The following SLC39A11 variants were observed in gnomAD, a reference collection of about 807,000 sequenced individuals.
SLC39A11 encodes the protein zinc transporter ZIP11.
In SLC39A11, 33 loss-of-function variants were observed where a neutral mutation model predicts 36.1. The observed-to-expected ratio is 0.91, with a 90% CI of 0.69 to 1.22. The LOEUF (loss-of-function observed/expected upper bound fraction) is 1.22. Ranked by LOEUF, SLC39A11 falls within the 50% of genes most tolerant of loss-of-function variation. SLC39A11 has a pLI of 0.00. For synonymous variants in SLC39A11, 166 were observed against 170.3 expected, an observed-to-expected ratio of 0.97 and a Z score of 0.20; for missense variants, 432 against 430.3, an observed-to-expected ratio of 1.00 and a Z score of -0.03.
intron 4 of SLC39A11, among the ~76,000 whole-genome samples, chr17:72,958,482 C>A (rs2086386431): frequency 6.6e-6 from 1 of 152,176 alleles, no homozygotes; most frequent in Admixed American, 6.5e-5. Flanking sequence ...CCAGGATCTA[C>A]AATAAACTCA....
chr17:72,950,344 G>A (rs2085773963), intron 4 of SLC39A11, among the ~76,000 whole-genome samples: 1 of 152,160 alleles, frequency 6.6e-6, no homozygotes, highest in Non-Finnish European at 1.5e-5. Flanking sequence ...CTGCCCTGCA[G>A]TATCACGGTT....
At chr17:72,835,788 A>G (rs886599450) in intron 6 of SLC39A11, among the ~76,000 whole-genome samples, 2 of 152,222 alleles carry the variant, frequency 1.3e-5, no homozygotes, top group Non-Finnish European at 2.9e-5. Context: ...TGTCGTCTCA[A>G]TAATGAACTG....
intron 4 of SLC39A11, among the ~76,000 whole-genome samples, chr17:73,006,876 C>T (rs1473875266): frequency 6.6e-6 from 1 of 152,152 alleles, no homozygotes; most frequent in East Asian, 1.9e-4. Flanking sequence ...TCAGCATCTC[C>T]ATGTCCCAGG....
intron 6 of SLC39A11, among the ~76,000 whole-genome samples, chr17:72,792,689 C>T (rs1407650922): frequency 6.6e-6 from 1 of 152,170 alleles, no homozygotes; most frequent in African/African-American, 2.4e-5. Context: ...CTGCCATGAT[C>T]CCTCCTGGGT....
rs374965950 is a variant in SLC39A11, at chr17:72,841,246, C to T, written c.601+8388G>A. 1.3e-4 allele frequency among the ~76,000 whole-genome samples: 20 copies of T among 152,218 alleles called. No individual in the cohort carries two copies. The East Asian group carries it at 2.7e-3, about 21-fold the overall frequency. ...AAAGAACGCAGTATAGAACTTCTTGCAAGAAGCTCCATCTATCAGGGGCAA... is the reference window on the plus strand; with the variant it reads ...AAAGAACGCAGTATAGAACTTCTTGTAAGAAGCTCCATCTATCAGGGGCAA... On this transcript the variant is annotated intron_variant, in intron 6 of 9. Coordinates refer to ENST00000255559, the MANE Select transcript of SLC39A11 (RefSeq NM_139177.4).
chr17:72,740,056 C>CCTTT (rs758554593), intron 6 of SLC39A11, among the ~76,000 whole-genome samples: 15 of 81,472 alleles, frequency 1.8e-4, no homozygotes, highest in African/African-American at 7.7e-4. Context: ...CTTTCCTTTT[C>CCTTT]TTTTTTTTTT....
chr17:72,783,645 C>T (rs2076398709), intron 6 of SLC39A11, among the ~76,000 whole-genome samples: 1 of 152,088 alleles, frequency 6.6e-6, no homozygotes, highest in Admixed American at 6.5e-5. Context: ...GGTGTGAAGC[C>T]GTGGGGGCAG....
intron 6 of SLC39A11, among the ~76,000 whole-genome samples, chr17:72,771,982 C>T (rs922644126): frequency 2.0e-5 from 3 of 152,162 alleles, no homozygotes; most frequent in African/African-American, 7.2e-5. Context: ...GAGGGTGTGG[C>T]TTTCTTCCAA....
chr17:72,763,451 C>A (rs7209434), intron 6 of SLC39A11, among the ~76,000 whole-genome samples: 6,456 of 152,242 alleles, frequency 0.042, 418 homozygotes, highest in African/African-American at 0.15. Context: ...AGCAAAGACA[C>A]CTGTATAATT....
intron 6 of SLC39A11, among the ~76,000 whole-genome samples, chr17:72,823,365 A>G (rs916727294): frequency 2.0e-5 from 3 of 151,160 alleles, no homozygotes; most frequent in South Asian, 2.1e-4. Flanking sequence ...TGTATCTTCC[A>G]TCTCCTTCAG....
At chr17:73,053,937 G>T (rs1038549789) in intron 3 of SLC39A11, among the ~76,000 whole-genome samples, 4 of 152,172 alleles carry the variant, frequency 2.6e-5, no homozygotes, top group Non-Finnish European at 4.4e-5. Context: ...ACTGATTTCC[G>T]TATAGACTCA....
intron 7 of SLC39A11, among the ~76,000 whole-genome samples, chr17:72,716,165 G>A (rs72843238): frequency 1.3e-4 from 19 of 148,602 alleles, no homozygotes; most frequent in South Asian, 4.1e-4. Context: ...TCATACAAGC[G>A]GGGTGTTGGG....
chr17:72,901,499 A>C (rs866392687), intron 5 of SLC39A11, among the ~76,000 whole-genome samples: 1 of 152,070 alleles, frequency 6.6e-6, no homozygotes, highest in South Asian at 2.1e-4. Context: ...AGATGAAAAC[A>C]CCCACCTGGA....
At chr17:72,899,077 A>G (rs1296728941) in intron 5 of SLC39A11, among the ~76,000 whole-genome samples, 1 of 152,222 alleles carries the variant, frequency 6.6e-6, no homozygotes, top group Non-Finnish European at 1.5e-5. Context: ...GCTCTTAATA[A>G]ACCCAAATAG....
chr17:72,849,895 GCTT>G (rs2146002594), intron 5 of SLC39A11, 91 bp from the exon 6 acceptor site: 5 of 1,276,646 alleles, frequency 3.9e-6, no homozygotes, highest in Admixed American at 2.9e-5. Context: ...GCAGGAAGAA[GCTT>G]CTTTTTCTTT....
chr17:72,944,841 C>A (rs1552844), intron 5 of SLC39A11, among the ~76,000 whole-genome samples: 1 of 151,830 alleles, frequency 6.6e-6, no homozygotes, highest in Non-Finnish European at 1.5e-5. Context: ...CCAAGGGTAC[C>A]GTTAAGTGCA....
chr17:72,987,686 G>A (rs1214427080), intron 4 of SLC39A11, among the ~76,000 whole-genome samples: 1 of 152,116 alleles, frequency 6.6e-6, no homozygotes, highest in African/African-American at 2.4e-5. Context: ...TAAAGACAAA[G>A]TCCTGAATCA....
chr17:72,826,621 A>T (rs1404133591), intron 6 of SLC39A11, among the ~76,000 whole-genome samples: 1 of 152,220 alleles, frequency 6.6e-6, no homozygotes, highest in South Asian at 2.1e-4. Context: ...ATAATTATGC[A>T]TATCACAGGA....
At chr17:73,045,341 T>C (rs2059245478) in intron 3 of SLC39A11, among the ~76,000 whole-genome samples, 1 of 141,412 alleles carries the variant, frequency 7.1e-6, no homozygotes, top group African/African-American at 2.6e-5. Flanking sequence ...TTCAAATTTA[T>C]TGACCAGTCA....
Sources: allele counts gnomAD v4.1 joint callset (sites outside exome capture counted in the v4.1 genomes callset), GRCh38; gene constraint gnomAD v4.1.1; transcripts MANE v1.5; gene names NCBI Gene and HGNC (gene_info 2026-07-23, HGNC 2026-07-21).